Variants in EXOC4 observed in about 807,000 individuals in gnomAD.
The protein encoded by EXOC4 is SEC8-like 1.
A neutral mutation model predicts 107.2 loss-of-function variants in EXOC4; 71 were observed. The ratio of observed to expected loss-of-function variants is 0.66; its 90% CI spans 0.55 to 0.81. EXOC4 has a LOEUF of 0.81. Ranked by LOEUF, EXOC4 falls within the 30% of genes least tolerant of loss-of-function variation. The pLI, the probability that EXOC4 is intolerant of heterozygous loss-of-function variation, is 0.00. For synonymous variants in EXOC4, 456 were observed against 441.2 expected (o/e 1.03, Z -0.42); for missense variants, 1,108 against 1,189.6 (o/e 0.93, Z 1.01).
At chr7:133,413,799 G>A (rs950220782) in intron 7 of EXOC4, among the ~76,000 whole-genome samples, 1 of 152,060 alleles carries the variant, frequency 6.6e-6, no homozygotes, top group African/African-American at 2.4e-5. Context: ...GAGCTATGTT[G>A]TCCAAGATCA....
intron 9 of EXOC4, among the ~76,000 whole-genome samples, chr7:133,517,675 G>T (rs572074265): frequency 7.6e-6 from 1 of 131,972 alleles, no homozygotes; most frequent in South Asian, 3.0e-4. Context: ...ATAGCATGGG[G>T]AAGACCCGCC....
At chr7:133,840,772 C>T (rs1297008556) in intron 11 of EXOC4, among the ~76,000 whole-genome samples, 8 of 152,244 alleles carry the variant, frequency 5.3e-5, no homozygotes, top group East Asian at 1.9e-4. Flanking sequence ...TGAGCCACTA[C>T]GCCTGGCTGG....
chr7:133,944,873 T>C (rs1177237586), intron 14 of EXOC4, among the ~76,000 whole-genome samples: 1 of 152,174 alleles, frequency 6.6e-6, no homozygotes, highest in Non-Finnish European at 1.5e-5. Flanking sequence ...AATAAATGTA[T>C]ACAACCATAT....
chr7:134,100,440 A>G, the EXOC4 span, among the ~76,000 whole-genome samples: 16 of 128,532 alleles, frequency 1.2e-4, 1 homozygote, highest in African/African-American at 4.3e-4. Flanking sequence ...GCCCTGGCAA[A>G]CAAATACAGG....
intron 3 of EXOC4, among the ~76,000 whole-genome samples, chr7:133,305,348 T>A (rs905569829): frequency 3.9e-5 from 6 of 152,204 alleles, no homozygotes; most frequent in Non-Finnish European, 8.8e-5. Context: ...ATTTGTAGCA[T>A]TCATGTAAAA....
chr7:133,670,338 A>C (rs1350277128), intron 10 of EXOC4, among the ~76,000 whole-genome samples: 2 of 152,202 alleles, frequency 1.3e-5, no homozygotes, highest in Non-Finnish European at 2.9e-5. Flanking sequence ...GTGTTGTTCA[A>C]GTGTCAACTC....
chr7:133,876,797 A>ATTTC (rs1047322870), intron 11 of EXOC4, among the ~76,000 whole-genome samples: 2 of 151,164 alleles, frequency 1.3e-5, no homozygotes, highest in Non-Finnish European at 1.5e-5. Flanking sequence ...TTCAAATCTC[A>ATTTC]TTTCTTTCTT....
chr7:133,412,277 A>AGTTT (rs1248540233), intron 7 of EXOC4, among the ~76,000 whole-genome samples: 33 of 14,598 alleles, frequency 2.3e-3, no homozygotes, highest in African/African-American at 8.0e-3. Context: ...GTCAGAATTC[A>AGTTT]GTTTTTTTTT....
At chr7:134,065,805 C>T (rs1434110637), downstream of EXOC4, 1 of 152,158 alleles carries the variant, frequency 6.6e-6, no homozygotes, top group East Asian at 1.9e-4. Flanking sequence ...AGCAAATATT[C>T]CCCAGAAGCC....
At chr7:133,476,037 G>T (rs868561376) in intron 8 of EXOC4, among the ~76,000 whole-genome samples, 11 of 152,026 alleles carry the variant, frequency 7.2e-5, no homozygotes, top group African/African-American at 2.7e-4. Context: ...GTAACAACAG[G>T]TACCACTGAT....
At chr7:133,501,281 T>G (rs937010288) in intron 9 of EXOC4, among the ~76,000 whole-genome samples, 2 of 152,220 alleles carry the variant, frequency 1.3e-5, no homozygotes, top group Non-Finnish European at 2.9e-5. Context: ...TAAGACTTTA[T>G]GTTTTTCTTT....
intron 5 of EXOC4, among the ~76,000 whole-genome samples, chr7:133,333,645 G>A (rs1795444817): frequency 6.6e-6 from 1 of 152,022 alleles, no homozygotes; most frequent in African/African-American, 2.4e-5. Flanking sequence ...ATCTATTTCT[G>A]TATGTATTTC....
the EXOC4 span, among the ~76,000 whole-genome samples, chr7:134,092,404 A>G: frequency 6.6e-6 from 1 of 152,200 alleles, no homozygotes; most frequent in Admixed American, 6.5e-5. Flanking sequence ...GAGGAAGTCC[A>G]GATACTGGAC....
At chr7:133,716,728 G>A (rs988778615) in intron 10 of EXOC4, among the ~76,000 whole-genome samples, 1 of 152,152 alleles carries the variant, frequency 6.6e-6, no homozygotes, top group African/African-American at 2.4e-5. Flanking sequence ...AGATCAAAAG[G>A]TCAGGAGATT....
At chr7:133,272,088 T>G (rs1793885804) in intron 1 of EXOC4, among the ~76,000 whole-genome samples, 1 of 152,142 alleles carries the variant, frequency 6.6e-6, no homozygotes, top group African/African-American at 2.4e-5. Flanking sequence ...CAACCAACAT[T>G]TGTTGAGTGC....
intron 9 of EXOC4, among the ~76,000 whole-genome samples, chr7:133,548,745 T>C (rs529165404): frequency 6.6e-6 from 1 of 152,368 alleles, no homozygotes; most frequent in East Asian, 1.9e-4. Context: ...AGCCTTGTTC[T>C]GGATTAGGCG....
intron 17 of EXOC4, among the ~76,000 whole-genome samples, chr7:134,008,108 T>C (rs984241889): frequency 4.6e-5 from 7 of 152,332 alleles, no homozygotes; most frequent in Non-Finnish European, 8.8e-5. Context: ...TGTAAAAGTA[T>C]ACATGCTCAT....
chr7:134,080,360 G>A, the EXOC4 span, among the ~76,000 whole-genome samples: 1 of 152,242 alleles, frequency 6.6e-6, no homozygotes, highest in Admixed American at 6.5e-5. Context: ...GGGGACTTGG[G>A]GAGATAAGGT....
rs1444973066 is a variant in EXOC4 at position 134,065,549 on chromosome 7, T to C, written c.*1021T>C. 1.3e-5 allele frequency: 2 copies of C among 152,370 alleles called. No individual in the cohort carries two copies. Among genetic ancestry groups the C allele is most frequent in the Admixed American group, 6.5e-5 (1 of 15,298 alleles). 9.4% of individuals were successfully genotyped at this position (152,370 alleles called of 1,614,324 possible). On this transcript the variant is annotated 3_prime_UTR_variant, in exon 18 of 18. Coordinates refer to ENST00000253861, the MANE Select transcript of EXOC4 (RefSeq NM_021807.4). ...CCATGTCCCCCGGTCACCAGTCCTC[T>C]TGCTGCCCATGGTTCATAGGTCATA...
Sources: gnomAD v4.1 joint callset for allele counts (sites outside exome capture counted in the v4.1 genomes callset) on GRCh38, gnomAD v4.1.1 for gene constraint, MANE v1.5 for transcripts, NCBI Gene and HGNC (gene_info 2026-07-23, HGNC 2026-07-21) for gene names.